Variants in UNC13C observed in about 807,000 individuals in gnomAD.
The protein encoded by UNC13C is protein unc-13 homolog C.
In UNC13C, 174 loss-of-function variants were observed where a neutral mutation model predicts 245.4. The ratio of observed to expected loss-of-function variants is 0.71; its 90% CI spans 0.63 to 0.80. The LOEUF is 0.80. Ranked by LOEUF, UNC13C falls within the 30% of genes least tolerant of loss-of-function variation. The pLI is 0.00. For missense variants in UNC13C, 2,829 were observed against 2,602.9 expected, an observed-to-expected ratio of 1.09 and a Z score of -1.89; for synonymous variants, 992 against 895.1, an observed-to-expected ratio of 1.11 and a Z score of -1.93.
chr15:54,188,169 C>T (rs575745420), intron 4 of UNC13C, among the ~76,000 whole-genome samples: 1 of 152,084 alleles, frequency 6.6e-6, no homozygotes, highest in African/African-American at 2.4e-5. Flanking sequence ...GAAGAGTGAA[C>T]TTGGTACATA....
At chr15:54,435,641 G>C (rs959842776) in intron 19 of UNC13C, among the ~76,000 whole-genome samples, 2 of 151,514 alleles carry the variant, frequency 1.3e-5, no homozygotes, top group African/African-American at 4.8e-5. Flanking sequence ...TAGATGATGG[G>C]TTGATGGGTG....
chr15:54,364,377 T>A (rs1431824298), intron 17 of UNC13C, among the ~76,000 whole-genome samples: 1 of 152,124 alleles, frequency 6.6e-6, no homozygotes, highest in Non-Finnish European at 1.5e-5. Flanking sequence ...GTATTTACAC[T>A]CAGAGCTGCT....
chr15:54,240,284 A>G (rs2035816680), intron 7 of UNC13C, among the ~76,000 whole-genome samples: 2 of 152,236 alleles, frequency 1.3e-5, no homozygotes, highest in South Asian at 2.1e-4. Context: ...CTTCTGTACA[A>G]CAGGCATATT....
chr15:54,391,463 G>C (rs532413014), intron 17 of UNC13C, among the ~76,000 whole-genome samples: 3 of 152,000 alleles, frequency 2.0e-5, no homozygotes, highest in Admixed American at 2.0e-4. Context: ...AGGCAGCAAA[G>C]CTTGACATTT....
chr15:54,300,436 C>G, intron 13 of UNC13C, 63 bp downstream of exon 13: 1 of 1,397,004 alleles, frequency 7.2e-7, no homozygotes, highest in Non-Finnish European at 9.7e-7. Context: ...AAGAAAGGAG[C>G]GTTCATCTCA....
intron 7 of UNC13C, among the ~76,000 whole-genome samples, chr15:54,241,462 C>G (rs1421812656): frequency 6.6e-6 from 1 of 152,076 alleles, no homozygotes; most frequent in African/African-American, 2.4e-5. Context: ...TACTTCAGAC[C>G]CCTGCTCAGG....
chr15:54,610,736 A>C (rs1035199770), intron 30 of UNC13C, among the ~76,000 whole-genome samples: 1 of 152,208 alleles, frequency 6.6e-6, no homozygotes, highest in African/African-American at 2.4e-5. Flanking sequence ...TTTGAGATTA[A>C]GTAACTTACT....
At chr15:54,545,467 G>A (rs921801540) in intron 26 of UNC13C, among the ~76,000 whole-genome samples, 1 of 152,112 alleles carries the variant, frequency 6.6e-6, no homozygotes, top group African/African-American at 2.4e-5. Flanking sequence ...TTAAACTAAA[G>A]AGCTTCTGCA....
At chr15:54,444,477 T>C (rs945622900) in intron 19 of UNC13C, among the ~76,000 whole-genome samples, 14 of 151,898 alleles carry the variant, frequency 9.2e-5, no homozygotes, top group Non-Finnish European at 2.1e-4. Context: ...CTTTTATCCA[T>C]TCATCCAGTC....
the UNC13C span, among the ~76,000 whole-genome samples, chr15:53,929,489 T>C: frequency 1.3e-5 from 2 of 152,188 alleles, no homozygotes; most frequent in East Asian, 1.9e-4. Context: ...TTTAGAATGA[T>C]ACAGTAAGAA....
At chr15:54,125,218 C>T (rs904652338) in intron 2 of UNC13C, among the ~76,000 whole-genome samples, 2 of 152,070 alleles carry the variant, frequency 1.3e-5, no homozygotes, top group Non-Finnish European at 2.9e-5. Context: ...AATTCTAGCA[C>T]TTTGAGAGGC....
intron 1 of UNC13C, among the ~76,000 whole-genome samples, chr15:53,999,732 A>G (rs1595695285): frequency 6.6e-6 from 1 of 151,894 alleles, no homozygotes; most frequent in South Asian, 2.1e-4. Context: ...ACATTTTGGT[A>G]TGTTGTTTTT....
At chr15:54,297,781 G>A in intron 11 of UNC13C, 30 bp from the exon 12 acceptor site, 1 of 1,483,020 alleles carries the variant, frequency 6.7e-7, no homozygotes, top group African/African-American at 1.4e-5. Context: ...TGTCAGACAT[G>A]ACTGACCAAT....
At chr15:54,162,687 C>T (rs1299580763) in intron 4 of UNC13C, among the ~76,000 whole-genome samples, 3 of 152,156 alleles carry the variant, frequency 2.0e-5, no homozygotes, top group Non-Finnish European at 4.4e-5. Context: ...CCATCTCCTT[C>T]CATTGCATAC....
intron 10 of UNC13C, among the ~76,000 whole-genome samples, chr15:54,286,573 A>G (rs372723134): frequency 1.3e-5 from 2 of 152,330 alleles, no homozygotes; most frequent in East Asian, 3.9e-4. Context: ...GATCCATCTC[A>G]TGATGGGTTA....
At chr15:54,307,911 A>T (rs1234085029) in intron 13 of UNC13C, among the ~76,000 whole-genome samples, 2 of 151,968 alleles carry the variant, frequency 1.3e-5, no homozygotes, top group Non-Finnish European at 2.9e-5. Context: ...ATCACTGATA[A>T]GTTAGAATGC....
the UNC13C span, among the ~76,000 whole-genome samples, chr15:53,929,130 G>A: frequency 8.9e-3 from 1,356 of 152,274 alleles, 11 homozygotes; most frequent in Non-Finnish European, 0.015. Context: ...AGAAGGCAAA[G>A]GAAAGCGAAG....
At chr15:54,571,076 C>T (rs1897733418) in intron 30 of UNC13C, among the ~76,000 whole-genome samples, 2 of 152,178 alleles carry the variant, frequency 1.3e-5, no homozygotes, top group African/African-American at 4.8e-5. Context: ...ATCCATTATC[C>T]TGTACCTGTT....
At chr15:54,366,140 G>A (rs1044309486) in intron 17 of UNC13C, among the ~76,000 whole-genome samples, 5 of 152,006 alleles carry the variant, frequency 3.3e-5, no homozygotes, top group Non-Finnish European at 1.5e-5. Flanking sequence ...TAGATGAAAA[G>A]GCCTTATTTT....
Sources: allele counts gnomAD v4.1 joint callset (sites outside exome capture counted in the v4.1 genomes callset), GRCh38; gene constraint gnomAD v4.1.1; transcripts MANE v1.5; gene names NCBI Gene and HGNC (gene_info 2026-07-23, HGNC 2026-07-21).